Variants in PIK3R6 observed in about 807,000 individuals in gnomAD.
The protein encoded by PIK3R6 is phosphoinositide-3-kinase regulatory subunit 6.
In PIK3R6, 91 loss-of-function variants were observed where a neutral mutation model predicts 84.9. That is an observed-to-expected ratio of 1.07 (90% CI 0.90 to 1.28). The LOEUF (loss-of-function observed/expected upper bound fraction) is 1.28. Ranked by LOEUF, PIK3R6 falls within the 50% of genes most tolerant of loss-of-function variation. The pLI, the probability that PIK3R6 is intolerant of heterozygous loss-of-function variation, is 0.00. For synonymous variants in PIK3R6, 416 were observed against 411.4 expected, an observed-to-expected ratio of 1.01 and a Z score of -0.13; for missense variants, 996 against 985.1, an observed-to-expected ratio of 1.01 and a Z score of -0.15.
Position 8,849,958 on chromosome 17 carries a change from C to T in PIK3R6, c.-91-73G>A, listed in dbSNP as rs1446060984. 3 of 864,858 alleles carry T rather than the reference C, an allele frequency of 3.5e-6. No individual in the cohort carries two copies. In the African/African-American group the frequency reaches 5.1e-5, roughly 15 times the overall value. 53.6% of individuals were successfully genotyped at this position (864,858 alleles called of 1,614,324 possible). ...GAAAGCACCTTGGGAAATGGAGAAGCTCCTAAGGGACCTAGGCTTCTAGCA... is the reference window on the plus strand; with the variant it reads ...GAAAGCACCTTGGGAAATGGAGAAGTTCCTAAGGGACCTAGGCTTCTAGCA... On this transcript the variant is annotated intron_variant, in intron 1 of 19. Coordinates refer to ENST00000619866, the MANE Select transcript of PIK3R6 (RefSeq NM_001010855.4).
chr17:8,842,171 G>A lies in PIK3R6; in HGVS notation c.14-2474C>T, dbSNP rs748905043. Among the ~76,000 whole-genome samples, 2 of 152,118 alleles carry A rather than the reference G, an allele frequency of 1.3e-5. No homozygotes were observed. The highest frequency in any genetic ancestry group is 2.4e-5 in the African/African-American group (1 of 41,410). ...CTGCTTCTTGTACAGCCTGCAGAAC[G>A]CTGAGCCAAATAAACCTCTTTTCTT... On this transcript the variant is annotated intron_variant, in intron 2 of 19. Transcript: ENST00000619866. This position sits in a 1 kb window ranked among gnomAD's most constrained non-coding sequence, Gnocchi z 4.5.
At chr17:8,828,245 G>C in intron 11 of PIK3R6, 55 bp from the exon 12 acceptor site, 1 of 1,542,452 alleles carries the variant, frequency 6.5e-7, no homozygotes, top group Non-Finnish European at 9.0e-7. Context: ...GCTTCAAACA[G>C]ACTCGGCTCT....
At chr17:8,866,186 A>G (rs1298433705) in intron 1 of PIK3R6, among the ~76,000 whole-genome samples, 1 of 152,072 alleles carries the variant, frequency 6.6e-6, no homozygotes, top group Non-Finnish European at 1.5e-5. Context: ...CACCTACCTC[A>G]TAGGCTTGTC....
intron 2 of PIK3R6, 34 bp downstream of exon 2, chr17:8,849,748 G>C (rs753842276): frequency 5.0e-6 from 8 of 1,599,184 alleles, no homozygotes; most frequent in Non-Finnish European, 6.8e-6. Flanking sequence ...TCGGCAGCAG[G>C]CTCACTAGAC....
chr17:8,858,096 C>T (rs759307432), intron 1 of PIK3R6, among the ~76,000 whole-genome samples: 2 of 152,148 alleles, frequency 1.3e-5, no homozygotes, highest in African/African-American at 2.4e-5. Context: ...GGTCGATTTC[C>T]TGTCCTTTGG....
At chr17:8,854,561 A>G (rs1227021882) in intron 1 of PIK3R6, among the ~76,000 whole-genome samples, 3 of 152,218 alleles carry the variant, frequency 2.0e-5, no homozygotes, top group Non-Finnish European at 4.4e-5. Context: ...TGGCTAATTG[A>G]TTTTTGATAA....
chr17:8,833,077 T>C (rs12945801), intron 8 of PIK3R6, 32 bp from the exon 9 acceptor site: 590,797 of 1,529,044 alleles, frequency 0.39, 116,951 homozygotes, highest in East Asian at 0.58. Context: ...GCCTGGGTCT[T>C]GGCCCAGCGC....
At chr17:8,861,232 T>C (rs1285812027) in intron 1 of PIK3R6, among the ~76,000 whole-genome samples, 1 of 150,756 alleles carries the variant, frequency 6.6e-6, no homozygotes, top group Non-Finnish European at 1.5e-5. Flanking sequence ...TGGCAATCCA[T>C]GTTCTATATT....
chr17:8,822,783 A>T, intron 15 of PIK3R6, 126 bp from the exon 16 acceptor site: 1 of 1,065,812 alleles, frequency 9.4e-7, no homozygotes, highest in South Asian at 1.5e-5. Context: ...CTGGATGGAA[A>T]GGTGACACCT....
At position 8,822,533 on chromosome 17, in the gene PIK3R6, C is replaced by T. The variant is rs1481628981; in HGVS notation, c.1788+54G>A. On this transcript the variant is annotated intron_variant, in intron 16 of 19. Coordinates refer to ENST00000619866, the MANE Select transcript of PIK3R6 (RefSeq NM_001010855.4). ...CTTCCCTGCTTGTCCCAGAGGCCTG[C>T]TCCCTCCAGCTGTACCTCTTGGCTA... is the stretch of plus-strand genomic sequence containing the variant. 4 of 1,579,356 alleles carry T rather than the reference C, an allele frequency of 2.5e-6. No individual in the cohort carries two copies. In the African/African-American group the frequency reaches 4.0e-5, roughly 16 times the overall value.
chr17:8,864,695 G>A (rs1293165372), intron 1 of PIK3R6, among the ~76,000 whole-genome samples: 1 of 151,636 alleles, frequency 6.6e-6, no homozygotes, highest in Non-Finnish European at 1.5e-5. Context: ...CCGCCACCAC[G>A]CCCAGCTAAT....
chr17:8,832,740 C>A (rs2088292073), intron 9 of PIK3R6, 149 bp downstream of exon 9: 5 of 1,232,634 alleles, frequency 4.1e-6, no homozygotes, highest in Non-Finnish European at 5.6e-6. Flanking sequence ...CTGCCAAACC[C>A]CCAGGCTGCC....
chr17:8,827,974 C>G, intron 12 of PIK3R6, 138 bp downstream of exon 12: 2 of 867,060 alleles, frequency 2.3e-6, no homozygotes, highest in Non-Finnish European at 1.8e-6. Flanking sequence ...GACCGCTGAC[C>G]TCTCTCCCGC....
Position 8,803,862 on chromosome 17 carries a change from C to T in PIK3R6, c.2108+179G>A. Reference sequence around the variant, plus strand: ...TATGCCATTCATTTGCCTCGACTTCCTGGATCCAAAGCATAGGGCAGTGGC... The same window carrying T: ...TATGCCATTCATTTGCCTCGACTTCTTGGATCCAAAGCATAGGGCAGTGGC... On this transcript the variant is annotated intron_variant, in intron 19 of 19. Coordinates refer to ENST00000619866, the MANE Select transcript of PIK3R6 (RefSeq NM_001010855.4). This position sits in a 1 kb window ranked among gnomAD's most constrained non-coding sequence, Gnocchi z 5.0. 2 of 616,166 alleles carry T rather than the reference C, an allele frequency of 3.2e-6. No homozygotes were observed. Among genetic ancestry groups the T allele is most frequent in the Non-Finnish European group, 2.9e-6 (1 of 346,754 alleles). The allele number at this position is 616,166 out of a possible 1,614,324, so 38.2% of individuals were successfully genotyped here.
chr17:8,821,320 C>T (rs1045076385), intron 17 of PIK3R6, among the ~76,000 whole-genome samples: 1 of 152,144 alleles, frequency 6.6e-6, no homozygotes, highest in African/African-American at 2.4e-5. Flanking sequence ...TAAAAAGTTA[C>T]TAATACTAAT....
rs2151322122 is a variant in PIK3R6 at position 8,862,730 on chromosome 17, C to G, written c.-92+4799G>C. Among the ~76,000 whole-genome samples the G allele has an allele frequency of 6.6e-6, 1 of 152,266 alleles. No homozygotes were observed. The highest frequency in any genetic ancestry group is 2.4e-5 in the African/African-American group (1 of 41,540). ...GCTCATCTAAAAATTCCTCTCCCTC[C>G]CCCCGTAGCGCAAGAATACGACATT... On this transcript the variant is annotated intron_variant, in intron 1 of 19. Transcript: ENST00000619866. The surrounding 1 kb of genome is among the most constrained non-coding windows in gnomAD (Gnocchi z 4.3).
intron 4 of PIK3R6, chr17:8,838,338 G>T: frequency 6.1e-6 from 3 of 492,936 alleles, no homozygotes; most frequent in Admixed American, 3.5e-5. Flanking sequence ...ATTTGTGGTC[G>T]CGTTATAGTG....
intron 9 of PIK3R6, among the ~76,000 whole-genome samples, chr17:8,830,010 T>G (rs1268385522): frequency 6.6e-6 from 1 of 152,190 alleles, no homozygotes; most frequent in Non-Finnish European, 1.5e-5. Context: ...GTAGCTACGT[T>G]TTCTCAAACC....
intron 1 of PIK3R6, among the ~76,000 whole-genome samples, chr17:8,850,300 CAAAA>C (rs753799544): frequency 1.3e-4 from 8 of 63,422 alleles, no homozygotes; most frequent in Admixed American, 3.6e-4. Flanking sequence ...GAGACTGGCT[CAAAA>C]AAAAAAAAAA....
Sources: allele counts gnomAD v4.1 joint callset (sites outside exome capture counted in the v4.1 genomes callset), GRCh38; gene constraint gnomAD v4.1.1; non-coding constraint Gnocchi (gnomAD v3.1); transcripts MANE v1.5; gene names NCBI Gene and HGNC (gene_info 2026-07-23, HGNC 2026-07-21).